Variants in FRY observed in about 807,000 individuals in gnomAD.
FRY encodes protein furry homolog.
Under a neutral mutation model 348.4 loss-of-function variants are expected in FRY, and 128 were observed. That is an observed-to-expected ratio of 0.37 (90% confidence interval 0.32 to 0.43). FRY has a LOEUF of 0.43. Among genes scored for constraint, FRY ranks in the 20% least tolerant of loss-of-function variants. The probability of loss-of-function intolerance (pLI) is 1.00; values close to 1 mark genes in which losing one functional copy is unlikely to be tolerated. For synonymous variants in FRY, 1,370 were observed against 1,374.7 expected (o/e 1.00, Z 0.08); for missense variants, 2,736 against 3,695.2 (o/e 0.74, Z 6.73).
intron 17 of FRY, among the ~76,000 whole-genome samples, chr13:32,167,924 A>G (rs1881835521): frequency 6.6e-6 from 1 of 152,186 alleles, no homozygotes; most frequent in Non-Finnish European, 1.5e-5. Context: ...TTCTCCCCAG[A>G]TGGGTGGGCT....
chr13:32,156,744 A>T (rs1881144275), intron 15 of FRY, among the ~76,000 whole-genome samples: 1 of 152,208 alleles, frequency 6.6e-6, no homozygotes, highest in South Asian at 2.1e-4. Flanking sequence ...AGTGTGGGAC[A>T]TCAACACTGT....
intron 1 of FRY, among the ~76,000 whole-genome samples, chr13:32,060,279 G>T (rs918649432): frequency 1.3e-5 from 2 of 152,134 alleles, no homozygotes; most frequent in African/African-American, 4.8e-5. Flanking sequence ...ACCTAAACCT[G>T]TTTTCTTTTG....
chr13:32,128,455 G>T (rs1879160485), intron 7 of FRY, among the ~76,000 whole-genome samples: 1 of 152,280 alleles, frequency 6.6e-6, no homozygotes, highest in East Asian at 1.9e-4. Context: ...TATTACTATT[G>T]TGATTCACAT....
At chr13:32,218,653 TG>T in intron 35 of FRY, 95 bp from the exon 36 acceptor site, 1 of 688,606 alleles carries the variant, frequency 1.5e-6, no homozygotes, top group Non-Finnish European at 2.5e-6. Context: ...TAGTGCAGCC[TG>T]GTGACAGAGT....
intron 4 of FRY, among the ~76,000 whole-genome samples, chr13:32,122,670 C>G (rs1458590260): frequency 1.3e-5 from 2 of 152,092 alleles, no homozygotes; most frequent in African/African-American, 4.8e-5. Flanking sequence ...TAACATAGTA[C>G]TAGAAGGCCT....
chr13:32,267,221 A>C lies in FRY; in HGVS notation c.7998A>C (p.Ser2666=). 6.2e-7 allele frequency: 1 copy of C among 1,614,150 alleles called. No homozygotes were observed. The highest frequency in any genetic ancestry group is 2.2e-5 in the East Asian group (1 of 44,876). The change falls in exon 55 of 61, where the codon TCA becomes TCC. Residue 2666 remains serine (S), a synonymous_variant. Coordinates refer to ENST00000542859, the MANE Select transcript of FRY (RefSeq NM_023037.3). ...GVSPPPSPFF[S]AILAAFQPAA... ...CTCCCCCTCCCTCGCCCTTCTTCTC[A>C]GCCATCCTTGCCGCCTTTCAGCCCG...
intron 31 of FRY, among the ~76,000 whole-genome samples, chr13:32,208,576 A>G (rs915437802): frequency 5.3e-5 from 8 of 152,076 alleles, no homozygotes; most frequent in African/African-American, 1.9e-4. Context: ...TCTGATATAC[A>G]TCTTCCGCTA....
intron 1 of FRY, among the ~76,000 whole-genome samples, chr13:32,049,001 T>A (rs1482555112): frequency 6.6e-6 from 1 of 152,180 alleles, no homozygotes; most frequent in Non-Finnish European, 1.5e-5. Flanking sequence ...CTGCCTTCTC[T>A]GGGCTTCACA....
chr13:32,103,562 C>T (rs1027327453), intron 3 of FRY, among the ~76,000 whole-genome samples: 22 of 151,932 alleles, frequency 1.4e-4, no homozygotes, highest in Admixed American at 1.2e-3. Flanking sequence ...TGTTAAATGA[C>T]GAGTTAATGG....
intron 57 of FRY, 146 bp from the exon 58 acceptor site, chr13:32,278,319 T>C (rs1888639044): frequency 1.7e-5 from 11 of 657,892 alleles, no homozygotes; most frequent in South Asian, 1.6e-4. Flanking sequence ...AACCCCCAAA[T>C]ACGACCCTTT....
chr13:32,259,602 C>T (rs1339417701), intron 51 of FRY, among the ~76,000 whole-genome samples: 1 of 152,234 alleles, frequency 6.6e-6, no homozygotes, highest in East Asian at 1.9e-4. Flanking sequence ...TCATCCAACC[C>T]TTCCAGTCAT....
intron 44 of FRY, 120 bp downstream of exon 44, chr13:32,238,106 G>A (rs2138457703): frequency 2.8e-6 from 3 of 1,077,064 alleles, no homozygotes; most frequent in Admixed American, 1.8e-5. Context: ...GGTTCCTTGG[G>A]AGTAGTTTAT....
In FRY at chr13:32,231,199, G is replaced by A. The variant is rs913293623; in HGVS notation, c.5426G>A (p.Cys1809Tyr). The change falls in exon 41 of 61, where the codon TGC (cysteine) becomes TAC (tyrosine). Residue 1809 changes from cysteine to tyrosine, a missense_variant. Around this residue, in one of 9 missense-constraint regions of FRY, gnomAD observed 794 missense variants for 977.0 expected, o/e 0.81. Coordinates refer to ENST00000542859, the MANE Select transcript of FRY (RefSeq NM_023037.3). ...TTAAGGGCATTTGGTCCACTTTGGT[G>A]CCATGAAGACATCACACCTAAAAAT... ...LTTRAFGPLW[C>Y]HEDITPKNQN... 1.2e-6 allele frequency: 2 copies of A among 1,613,228 alleles called. No homozygotes were observed. Among genetic ancestry groups the A allele is most frequent in the Non-Finnish European group, 1.7e-6 (2 of 1,179,338 alleles).
chr13:32,232,110 AGTT>A (rs1885950503), intron 41 of FRY, among the ~76,000 whole-genome samples: 1 of 152,240 alleles, frequency 6.6e-6, no homozygotes, highest in African/African-American at 2.4e-5. Flanking sequence ...TCTAGTTTTG[AGTT>A]TCCCCTTTGG....
chr13:32,145,526 G>GTTTTT lies in FRY; in HGVS notation c.1180-1731_1180-1727dup, dbSNP rs59585678. On this transcript the variant is annotated intron_variant, in intron 11 of 60. Coordinates refer to ENST00000542859, the MANE Select transcript of FRY (RefSeq NM_023037.3). Reference sequence around the variant, plus strand: ...CCACACTCCCCTCTCTGACTGATTTGTTTTTTTTTTTTTTTTTTTTTTTTT... The same window carrying GTTTTT: ...CCACACTCCCCTCTCTGACTGATTTGTTTTTTTTTTTTTTTTTTTTTTTTTTTTTT... Among the ~76,000 whole-genome samples, 142 of 91,418 alleles carry GTTTTT rather than the reference G, an allele frequency of 1.6e-3. 3 individuals are homozygous for GTTTTT. The highest frequency in any genetic ancestry group is 2.3e-3 in the East Asian group (4 of 1,746). 60.0% of individuals were successfully genotyped at this position (91,418 alleles called of 152,430 possible). A position where few individuals can be genotyped will look rare whatever the true frequency, so the allele number is the denominator to read the frequency against.
chr13:32,187,124 A>G (rs1446977145), intron 27 of FRY, among the ~76,000 whole-genome samples: 1 of 152,122 alleles, frequency 6.6e-6, no homozygotes, highest in African/African-American at 2.4e-5. Context: ...CATATATTTT[A>G]TACTGTCTCA....
Position 32,295,214 on chromosome 13 carries a change from C to T in FRY, c.8796C>T (p.Pro2932=). Residue 2932 remains proline (P), a synonymous_variant, in exon 61 of 61, where the codon CCC becomes CCT. Transcript: ENST00000542859. ...TTTTTGACTGCAGAAGTCTGTGGCC[C>T]AATGACATCTTTGGAAGCAGTTCTG... is the stretch of plus-strand genomic sequence containing the variant. ...RQIRECRSLW[P]NDIFGSSSDD... The T allele has an allele frequency of 6.2e-7, 1 of 1,613,952 alleles. No individual in the cohort carries two copies. Among genetic ancestry groups the T allele is most frequent in the Non-Finnish European group, 8.5e-7 (1 of 1,179,902 alleles).
chr13:32,227,936 G>C lies in FRY; in HGVS notation c.5207-520G>C, dbSNP rs550065568. Among the ~76,000 whole-genome samples the C allele has an allele frequency of 2.3e-4, 35 of 152,246 alleles. 1 individual carries two copies. The South Asian group carries it at 4.4e-3, about 19-fold the overall frequency. ...TCGGCTAATTTTTGTATTTTTGGTA[G>C]AGACAGGGTTTCACCATGCTAGCCA... On this transcript the variant is annotated intron_variant, in intron 39 of 60. Transcript: ENST00000542859.
At chr13:32,096,003 C>A (rs771776591) in intron 2 of FRY, among the ~76,000 whole-genome samples, 2 of 151,498 alleles carry the variant, frequency 1.3e-5, no homozygotes, top group Non-Finnish European at 2.9e-5. Flanking sequence ...TTCCATCTTT[C>A]TTCCTTCCTT....
Sources: allele counts gnomAD v4.1 joint callset (sites outside exome capture counted in the v4.1 genomes callset), GRCh38; gene constraint gnomAD v4.1.1; regional missense constraint gnomAD v4.1.1; transcripts MANE v1.5; gene names NCBI Gene and HGNC (gene_info 2026-07-23, HGNC 2026-07-21).